The following SEPTIN11 variants were observed in gnomAD, a reference collection of about 807,000 sequenced individuals.
SEPTIN11 encodes septin 11, also known as septin-11.
SEPTIN11 carries 25 observed loss-of-function variants against 51.4 expected under a neutral mutation model. That is an observed-to-expected ratio of 0.49 (90% CI 0.35 to 0.68). The LOEUF (loss-of-function observed/expected upper bound fraction) is 0.68. SEPTIN11 is among the 30% of genes least tolerant of loss of function. The pLI is 0.00. For synonymous variants in SEPTIN11, 174 were observed against 184.1 expected, an observed-to-expected ratio of 0.95 and a Z score of 0.44; for missense variants, 381 against 520.8, an observed-to-expected ratio of 0.73 and a Z score of 2.61.
chr4:76,994,787 G>A (rs1578156009), intron 1 of SEPTIN11, among the ~76,000 whole-genome samples: 1 of 151,622 alleles, frequency 6.6e-6, no homozygotes, highest in Admixed American at 6.6e-5. Context: ...CATTTGAAAT[G>A]GGGTCTTAGT....
intron 5 of SEPTIN11, among the ~76,000 whole-genome samples, chr4:77,016,655 T>TATATATATAC (rs1553975019): frequency 3.7e-5 from 4 of 109,040 alleles, no homozygotes; most frequent in Admixed American, 9.3e-5. Context: ...TATATATATA[T>TATATATATAC]ACACATATAT....
chr4:76,956,364 G>T (rs945131492), intron 1 of SEPTIN11, among the ~76,000 whole-genome samples: 2 of 152,192 alleles, frequency 1.3e-5, no homozygotes, highest in African/African-American at 4.8e-5. Flanking sequence ...GCAAATTTGT[G>T]GGAGAGCTAG....
chr4:76,961,818 T>C (rs1721836797), intron 1 of SEPTIN11, among the ~76,000 whole-genome samples: 1 of 152,224 alleles, frequency 6.6e-6, no homozygotes, highest in South Asian at 2.1e-4. Flanking sequence ...CTGGGGACTG[T>C]CCGTGTTCTG....
chr4:76,988,670 C>T (rs1164351747), intron 1 of SEPTIN11, among the ~76,000 whole-genome samples: 1 of 152,154 alleles, frequency 6.6e-6, no homozygotes. Context: ...GCCATTGCGC[C>T]CAGCCCTAGG....
At chr4:76,957,606 TA>T (rs2109881282) in intron 1 of SEPTIN11, among the ~76,000 whole-genome samples, 1 of 152,254 alleles carries the variant, frequency 6.6e-6, no homozygotes, top group African/African-American at 2.4e-5. Flanking sequence ...GGTGCTGAAA[TA>T]GTAATGGCTT....
chr4:77,026,594 G>A lies in SEPTIN11; in HGVS notation c.954-2035G>A, dbSNP rs145315841. The stretch of plus-strand genomic sequence containing the variant: ...TATCAGGGGCACCATTCTCCCTTCC[G>A]TCTTTTGACGTTGGAGCCCCTCTTT... On this transcript the variant is annotated intron_variant, in intron 7 of 9. Coordinates refer to ENST00000264893, the MANE Select transcript of SEPTIN11 (RefSeq NM_018243.4). Among the ~76,000 whole-genome samples, 70 of 152,250 alleles carry A rather than the reference G, an allele frequency of 4.6e-4. 1 individual carries two copies. In the East Asian group the frequency reaches 0.013, roughly 28 times the overall value.
chr4:76,955,491 G>A (rs1038836214), intron 1 of SEPTIN11, among the ~76,000 whole-genome samples: 41 of 152,176 alleles, frequency 2.7e-4, no homozygotes, highest in Non-Finnish European at 5.9e-5. Context: ...ACAGACAAGA[G>A]GCTGAGGAGG....
At chr4:76,991,814 G>A (rs373866726) in intron 1 of SEPTIN11, among the ~76,000 whole-genome samples, 17 of 152,184 alleles carry the variant, frequency 1.1e-4, no homozygotes, top group East Asian at 3.8e-4. Flanking sequence ...GGTCGGAACT[G>A]CAGTGTTCTT....
chr4:77,027,421 C>G (rs1726245121), intron 7 of SEPTIN11, among the ~76,000 whole-genome samples: 1 of 152,220 alleles, frequency 6.6e-6, no homozygotes, highest in South Asian at 2.1e-4. Context: ...CAGGTGTGAA[C>G]CACCATGCTT....
intron 1 of SEPTIN11, among the ~76,000 whole-genome samples, chr4:76,963,133 AAACTT>A (rs1342775641): frequency 4.6e-5 from 7 of 152,254 alleles, no homozygotes; most frequent in African/African-American, 1.4e-4. Flanking sequence ...TGGGAGGAGA[AAACTT>A]AACAAATTTG....
intron 5 of SEPTIN11, among the ~76,000 whole-genome samples, chr4:77,016,401 G>A (rs373974047): frequency 1.2e-4 from 18 of 148,478 alleles, no homozygotes; most frequent in African/African-American, 4.5e-4. Context: ...ATCAGCCTCG[G>A]CATCCATGGA....
chr4:76,961,594 G>A (rs1721827081), intron 1 of SEPTIN11, among the ~76,000 whole-genome samples: 1 of 152,146 alleles, frequency 6.6e-6, no homozygotes, highest in Admixed American at 6.6e-5. Context: ...CCTTAAATAT[G>A]CTTAGAACAC....
At chr4:77,010,414 C>T (rs1267383271) in intron 3 of SEPTIN11, among the ~76,000 whole-genome samples, 3 of 150,362 alleles carry the variant, frequency 2.0e-5, no homozygotes, top group African/African-American at 7.3e-5. Context: ...TGGAATTTTG[C>T]CTGTCATGAT....
At chr4:76,979,659 G>A (rs780996473) in intron 1 of SEPTIN11, among the ~76,000 whole-genome samples, 11 of 151,962 alleles carry the variant, frequency 7.2e-5, no homozygotes, top group African/African-American at 2.4e-4. Context: ...CAAGGCAGGC[G>A]GATCACCTGA....
chr4:76,969,010 T>C (rs1011600592), intron 1 of SEPTIN11, among the ~76,000 whole-genome samples: 4 of 152,164 alleles, frequency 2.6e-5, no homozygotes, highest in South Asian at 4.1e-4. Flanking sequence ...AAAGGTTCCA[T>C]GTGTACATGT....
At chr4:76,959,042 G>T (rs1424415291) in intron 1 of SEPTIN11, 2 of 721,150 alleles carry the variant, frequency 2.8e-6, no homozygotes, top group South Asian at 1.4e-5. Context: ...TTCAGAGAGG[G>T]AATGAAAGAA....
chr4:77,019,277 G>A lies in SEPTIN11; in HGVS notation c.784+16G>A, dbSNP rs755887662. ...GTGGTGCAGGGTATGTGCACAGCAT[G>A]GGAGATGGAGTCTTCATATTTAGCC... On this transcript the variant is annotated intron_variant, in intron 6 of 9. Transcript: ENST00000264893. The A allele has an allele frequency of 6.3e-7, 1 of 1,583,168 alleles. No individual in the cohort carries two copies. Among genetic ancestry groups the A allele is most frequent in the South Asian group, 1.2e-5 (1 of 86,654 alleles).
Position 77,036,888 on chromosome 4 carries a change from A to G in SEPTIN11, c.*2376A>G, listed in dbSNP as rs911444180. On this transcript the variant is annotated 3_prime_UTR_variant, in exon 10 of 10. Coordinates refer to ENST00000264893, the MANE Select transcript of SEPTIN11 (RefSeq NM_018243.4). ...GAGATCTTTCTGACTTTTCAAAATTAGAGAAAGCAAATGGGATGGATAGAT... is the reference window on the plus strand; with the variant it reads ...GAGATCTTTCTGACTTTTCAAAATTGGAGAAAGCAAATGGGATGGATAGAT... 5.7e-6 allele frequency: 8 copies of G among 1,401,502 alleles called. No homozygotes were observed. The highest frequency in any genetic ancestry group is 1.5e-5 in the African/African-American group (1 of 66,706). 86.8% of individuals were successfully genotyped at this position (1,401,502 alleles called of 1,614,324 possible).
chr4:76,992,441 A>G (rs560788480), intron 1 of SEPTIN11, among the ~76,000 whole-genome samples: 2 of 152,106 alleles, frequency 1.3e-5, no homozygotes, highest in South Asian at 2.1e-4. Flanking sequence ...ATGTTCGACA[A>G]CTCTGGAACC....
Sources: gnomAD v4.1 joint callset for allele counts (sites outside exome capture counted in the v4.1 genomes callset) on GRCh38, gnomAD v4.1.1 for gene constraint, MANE v1.5 for transcripts, NCBI Gene and HGNC (gene_info 2026-07-23, HGNC 2026-07-21) for gene names.